CAPN7: variants seen among roughly 807,000 people sequenced by gnomAD.
CAPN7 encodes the protein calpain-7.
CAPN7 carries 72 observed loss-of-function variants against 115.2 expected under a neutral mutation model. That is an observed-to-expected ratio of 0.63 (90% CI 0.52 to 0.76). The LOEUF (loss-of-function observed/expected upper bound fraction) is 0.76. Among genes scored for constraint, CAPN7 ranks in the 30% least tolerant of loss-of-function variants. The probability of loss-of-function intolerance (pLI) is 0.00; values close to 1 mark genes in which losing one functional copy is unlikely to be tolerated. For missense variants in CAPN7, 905 were observed against 971.5 expected (o/e 0.93, Z 0.91); for synonymous variants, 344 against 322.3 (o/e 1.07, Z -0.72).
At position 15,217,465 on chromosome 3, in the gene CAPN7, G is replaced by T; in HGVS notation, c.252G>T (p.Gln84His). 1 of 1,613,554 alleles carries T rather than the reference G, an allele frequency of 6.2e-7. No homozygotes were observed. The highest frequency in any genetic ancestry group is 8.5e-7 in the Non-Finnish European group (1 of 1,179,764). The change falls in exon 3 of 21, where the codon CAG (glutamine) becomes CAT (histidine). Residue 84 changes from glutamine to histidine, a missense_variant. Physicochemically the swap from Gln to His is conservative, Grantham distance 24. Coordinates refer to ENST00000253693, the MANE Select transcript of CAPN7 (RefSeq NM_014296.3). ...CTGATCCTTTGAAGTCAAAACATCAGTTGGACTTAGAGCGTGCTCATTTCC... is the reference window on the plus strand; with the variant it reads ...CTGATCCTTTGAAGTCAAAACATCATTTGGACTTAGAGCGTGCTCATTTCC... ...KSADPLKSKH[Q>H]LDLERAHFLV...
intron 17 of CAPN7, chr3:15,246,368 G>T (rs1695658873): frequency 2.6e-5 from 5 of 191,392 alleles, no homozygotes; most frequent in Non-Finnish European, 4.2e-5. Flanking sequence ...CATCTAGCTG[G>T]GAAGGTCATT....
chr3:15,225,638 T>C (rs1369330647), intron 6 of CAPN7, among the ~76,000 whole-genome samples: 1 of 152,220 alleles, frequency 6.6e-6, no homozygotes, highest in Non-Finnish European at 1.5e-5. Flanking sequence ...TTTTTCTTTT[T>C]TTTCTCTTTA....
intron 19 of CAPN7, among the ~76,000 whole-genome samples, chr3:15,247,814 G>A (rs60141528): frequency 0.12 from 17,888 of 152,054 alleles, 3,507 homozygotes; most frequent in African/African-American, 0.4. Flanking sequence ...TAAATATGCT[G>A]CATTGATAAG....
rs1013531364 is a variant in CAPN7 at position 15,230,660 on chromosome 3, A to C, written c.1032+125A>C. 2.7e-5 allele frequency: 16 copies of C among 582,068 alleles called. No homozygotes were observed. The East Asian group carries it at 2.9e-4, about 11-fold the overall frequency. 36.1% of individuals were successfully genotyped at this position (582,068 alleles called of 1,614,324 possible). A position where few individuals can be genotyped will look rare whatever the true frequency, so the allele number is the denominator to read the frequency against. ...TTTAAAAGTTAGAGTCTGTGATATT[A>C]TATATTACTACCAGTAGCATCATGT... On this transcript the variant is annotated intron_variant, in intron 9 of 20. Coordinates refer to ENST00000253693, the MANE Select transcript of CAPN7 (RefSeq NM_014296.3).
rs140533572 is a variant in CAPN7, at chr3:15,243,207, G to A, written c.1864+954G>A. On this transcript the variant is annotated intron_variant, in intron 16 of 20. Coordinates refer to ENST00000253693, the MANE Select transcript of CAPN7 (RefSeq NM_014296.3). ...GTGAGAAAAGATGGTGTATTTTTGG[G>A]ACAGAGAACAGGCCAATTGCCTGGG... Among the ~76,000 whole-genome samples, 17 of 152,288 alleles carry A rather than the reference G, an allele frequency of 1.1e-4. 1 individual carries two copies. The South Asian group carries it at 2.1e-3, about 19-fold the overall frequency.
chr3:15,241,645 C>G, intron 15 of CAPN7, 57 bp downstream of exon 15: 1 of 1,487,500 alleles, frequency 6.7e-7, no homozygotes, highest in Middle Eastern at 1.8e-4. Flanking sequence ...ATAGTTAGAA[C>G]ATTGTGAAAG....
At chr3:15,233,031 A>T (rs2124964559) in intron 10 of CAPN7, among the ~76,000 whole-genome samples, 1 of 152,298 alleles carries the variant, frequency 6.6e-6, no homozygotes, top group South Asian at 2.1e-4. Flanking sequence ...TATAAGATTG[A>T]GGTGTCTTCC....
At chr3:15,240,425 A>G in intron 12 of CAPN7, 48 bp from the exon 13 acceptor site, 1 of 1,555,526 alleles carries the variant, frequency 6.4e-7, no homozygotes, top group Non-Finnish European at 8.8e-7. Flanking sequence ...TAATATGGTA[A>G]AAACTGTTTT....
chr3:15,226,004 T>A (rs1226645082), intron 6 of CAPN7, among the ~76,000 whole-genome samples: 3 of 152,196 alleles, frequency 2.0e-5, no homozygotes, highest in Non-Finnish European at 4.4e-5. Context: ...TAAAATTGTT[T>A]CTATTCGGTC....
At chr3:15,210,866 T>G in intron 1 of CAPN7, 2 of 1,289,474 alleles carry the variant, frequency 1.6e-6, no homozygotes, top group Non-Finnish European at 2.0e-6. Flanking sequence ...AGATGGCATC[T>G]TTGGAAACAG....
At chr3:15,224,378 T>G (rs552472206) in intron 6 of CAPN7, among the ~76,000 whole-genome samples, 2 of 152,074 alleles carry the variant, frequency 1.3e-5, no homozygotes, top group South Asian at 4.2e-4. Context: ...GCTCAGGTGA[T>G]TCTCCCACCT....
chr3:15,250,798 T>TA, intron 19 of CAPN7, 133 bp from the exon 20 acceptor site: 2 of 628,060 alleles, frequency 3.2e-6, no homozygotes, highest in Non-Finnish European at 5.6e-6. Flanking sequence ...TGATCAAAAA[T>TA]AGAGTGTGTA....
intron 4 of CAPN7, among the ~76,000 whole-genome samples, chr3:15,218,910 C>G (rs1434837365): frequency 6.6e-6 from 1 of 152,116 alleles, no homozygotes; most frequent in Non-Finnish European, 1.5e-5. Context: ...ATGTACATAC[C>G]TCAGATTATA....
chr3:15,216,488 T>C (rs1461346294), intron 2 of CAPN7, among the ~76,000 whole-genome samples: 1 of 152,222 alleles, frequency 6.6e-6, no homozygotes, highest in East Asian at 1.9e-4. Flanking sequence ...GTCTTTATTG[T>C]TGAATTTTAA....
chr3:15,221,015 T>C (rs1260304924), intron 5 of CAPN7, 34 bp downstream of exon 5: 3 of 1,556,746 alleles, frequency 1.9e-6, no homozygotes, highest in Non-Finnish European at 2.7e-6. Context: ...TAATGAAGAA[T>C]TTTGTTAACA....
At chr3:15,212,606 A>G (rs1213188736) in intron 2 of CAPN7, among the ~76,000 whole-genome samples, 1 of 152,188 alleles carries the variant, frequency 6.6e-6, no homozygotes, top group Non-Finnish European at 1.5e-5. Context: ...GTAGGTTCAC[A>G]GTGTCTTCTC....
At chr3:15,235,272 C>A in intron 12 of CAPN7, 127 bp downstream of exon 12, 1 of 775,980 alleles carries the variant, frequency 1.3e-6, no homozygotes, top group Non-Finnish European at 2.0e-6. Context: ...AACCATTTCA[C>A]CTACATTAAC....
chr3:15,206,289 A>C lies in CAPN7; in HGVS notation c.-207A>C, dbSNP rs1287464. The C allele has an allele frequency of 2.2e-6, 1 of 445,848 alleles. No individual in the cohort carries two copies. The allele number at this position is 445,848 out of a possible 1,614,324, so 27.6% of individuals were successfully genotyped here. A position where few individuals can be genotyped will look rare whatever the true frequency, so the allele number is the denominator to read the frequency against. On this transcript the variant is annotated 5_prime_UTR_variant, in exon 1 of 21. Coordinates refer to ENST00000253693, the MANE Select transcript of CAPN7 (RefSeq NM_014296.3). ...GAAGTGGGGCGGCCGGGTGGGCTAC[A>C]AGCCGGGTCTGGGCTGAGGGGCGCG... is the stretch of plus-strand genomic sequence containing the variant.
At chr3:15,227,806 AT>A (rs1399053264) in intron 6 of CAPN7, 32 bp from the exon 7 acceptor site, 6 of 1,349,306 alleles carry the variant, frequency 4.4e-6, no homozygotes, top group East Asian at 5.4e-5. Context: ...TTTAAGATTA[AT>A]TTTTTTATTT....
Sources: gnomAD v4.1 joint callset for allele counts (sites outside exome capture counted in the v4.1 genomes callset) on GRCh38, gnomAD v4.1.1 for gene constraint, MANE v1.5 for transcripts, NCBI Gene and HGNC (gene_info 2026-07-23, HGNC 2026-07-21) for gene names.